The following HS3ST4 variants were observed in gnomAD, a reference collection of about 807,000 sequenced individuals.
HS3ST4 encodes the protein heparan sulfate-glucosamine 3-sulfotransferase 4.
A neutral mutation model predicts 29.2 loss-of-function variants in HS3ST4; 17 were observed. The ratio of observed to expected loss-of-function variants is 0.58; its 90% confidence interval spans 0.40 to 0.87. The LOEUF is 0.87. Among genes scored for constraint, HS3ST4 ranks in the 40% least tolerant of loss-of-function variants. The pLI is 0.00. For missense variants in HS3ST4, 627 were observed against 634.5 expected, an observed-to-expected ratio of 0.99 and a Z score of 0.13; for synonymous variants, 314 against 285.7, an observed-to-expected ratio of 1.10 and a Z score of -1.00.
chr16:25,975,524 C>T (rs1211487694), intron 1 of HS3ST4, among the ~76,000 whole-genome samples: 1 of 152,022 alleles, frequency 6.6e-6, no homozygotes, highest in Non-Finnish European at 1.5e-5. Flanking sequence ...TTTGAAAAAC[C>T]TGCACATTTA....
intron 1 of HS3ST4, among the ~76,000 whole-genome samples, chr16:25,721,824 T>C (rs1385142452): frequency 6.6e-6 from 1 of 152,224 alleles, no homozygotes. Context: ...TGCCTAAATA[T>C]TTGTCTGGCA....
chr16:25,763,885 T>C (rs1014989792), intron 1 of HS3ST4, among the ~76,000 whole-genome samples: 1 of 152,006 alleles, frequency 6.6e-6, no homozygotes, highest in East Asian at 1.9e-4. Flanking sequence ...AGCTGTGGGG[T>C]TGGAGAATGG....
intron 1 of HS3ST4, among the ~76,000 whole-genome samples, chr16:25,817,093 A>G (rs1022798835): frequency 6.6e-6 from 1 of 152,244 alleles, no homozygotes; most frequent in Non-Finnish European, 1.5e-5. Context: ...TCAAAGCTGC[A>G]GTTTGAGTCT....
rs1371928058 is a variant in HS3ST4 at position 25,828,242 on chromosome 16, C to CTTTTTCTATCTTTCTTTCTTTCTTTCTT, written c.734+135092_734+135093insTTTTCTATCTTTCTTTCTTTCTTTCTTT. Reference sequence around the variant, plus strand: ...CTTTCCTTTCTTTCTTTCTTTCTTTCTCTTTCTTTCTTTCTTTCTTTCTTT... The same window carrying CTTTTTCTATCTTTCTTTCTTTCTTTCTT: ...CTTTCCTTTCTTTCTTTCTTTCTTTCTTTTTCTATCTTTCTTTCTTTCTTTCTTTCTTTCTTTCTTTCTTTCTTTCTTT... On this transcript the variant is annotated intron_variant, in intron 1 of 1. Coordinates refer to ENST00000331351, the MANE Select transcript of HS3ST4 (RefSeq NM_006040.3). 8.5e-4 allele frequency among the ~76,000 whole-genome samples: 64 copies of CTTTTTCTATCTTTCTTTCTTTCTTTCTT among 75,032 alleles called. 4 individuals are homozygous for CTTTTTCTATCTTTCTTTCTTTCTTTCTT. The highest frequency in any genetic ancestry group is 2.6e-3 in the East Asian group (7 of 2,684). The allele number at this position is 75,032 out of a possible 152,430, so 49.2% of individuals were successfully genotyped here.
At chr16:26,051,722 T>C (rs1033920502) in intron 1 of HS3ST4, among the ~76,000 whole-genome samples, 8 of 150,786 alleles carry the variant, frequency 5.3e-5, no homozygotes, top group Non-Finnish European at 1.0e-4. Flanking sequence ...CTAATCTCTT[T>C]TATTGCCTCC....
chr16:25,773,919 A>T (rs1344974871), intron 1 of HS3ST4, among the ~76,000 whole-genome samples: 1 of 147,894 alleles, frequency 6.8e-6, no homozygotes, highest in African/African-American at 2.5e-5. Context: ...GCCCCCCTAA[A>T]CCCTTGATGA....
chr16:25,753,824 G>A (rs1966737674), intron 1 of HS3ST4, among the ~76,000 whole-genome samples: 1 of 152,038 alleles, frequency 6.6e-6, no homozygotes, highest in Non-Finnish European at 1.5e-5. Flanking sequence ...TATTTCTTCT[G>A]TTACAAATCA....
chr16:26,058,071 A>G (rs1898431014), intron 1 of HS3ST4, among the ~76,000 whole-genome samples: 1 of 152,204 alleles, frequency 6.6e-6, no homozygotes, highest in South Asian at 2.1e-4. Context: ...AATGGTGCCA[A>G]TTGGGAGGCA....
At chr16:26,118,834 A>C (rs1442612578) in intron 1 of HS3ST4, among the ~76,000 whole-genome samples, 2 of 152,126 alleles carry the variant, frequency 1.3e-5, no homozygotes, top group African/African-American at 4.8e-5. Flanking sequence ...ACGGGATATG[A>C]GGTTGGAGAA....
chr16:25,773,515 C>T (rs1567236930), intron 1 of HS3ST4, among the ~76,000 whole-genome samples: 1 of 152,166 alleles, frequency 6.6e-6, no homozygotes, highest in African/African-American at 2.4e-5. Context: ...TCATCCCTAG[C>T]ATGGTGTGTG....
At chr16:26,035,409 T>A (rs1481725962) in intron 1 of HS3ST4, among the ~76,000 whole-genome samples, 1 of 152,232 alleles carries the variant, frequency 6.6e-6, no homozygotes, top group Admixed American at 6.5e-5. Context: ...AAATACTTCC[T>A]CCTAGATGTT....
At chr16:25,763,509 A>G (rs1244481195) in intron 1 of HS3ST4, among the ~76,000 whole-genome samples, 1 of 152,200 alleles carries the variant, frequency 6.6e-6, no homozygotes, top group Non-Finnish European at 1.5e-5. Flanking sequence ...TTTACCAACG[A>G]TCACCAGGCA....
At chr16:26,000,244 A>G (rs1420789269) in intron 1 of HS3ST4, among the ~76,000 whole-genome samples, 2 of 152,066 alleles carry the variant, frequency 1.3e-5, no homozygotes, top group Non-Finnish European at 2.9e-5. Flanking sequence ...CTTAAATGAC[A>G]TCATCACCTA....
rs557934955 is a variant in HS3ST4 at position 26,135,795 on chromosome 16, C to T, written c.918C>T (p.Pro306=). 2.5e-5 allele frequency: 41 copies of T among 1,614,092 alleles called. 1 individual carries two copies. In the South Asian group the frequency reaches 3.2e-4, roughly 13 times the overall value. ...SDYTQTLSKK[P]EIPTFEVLAF... ...ACACGCAGACACTGTCAAAGAAACC[C>T]GAGATCCCCACCTTTGAGGTGCTGG... Residue 306 remains proline (P), a synonymous_variant, in exon 2 of 2, where the codon CCC becomes CCT. Transcript: ENST00000331351.
At chr16:25,904,860 A>G (rs1303523770) in intron 1 of HS3ST4, among the ~76,000 whole-genome samples, 1 of 152,212 alleles carries the variant, frequency 6.6e-6, no homozygotes, top group Non-Finnish European at 1.5e-5. Context: ...ATAAATGTGA[A>G]GCATTTTGGA....
At chr16:25,698,176 C>T (rs55681284) in intron 1 of HS3ST4, among the ~76,000 whole-genome samples, 38,503 of 152,102 alleles carry the variant, frequency 0.25, 5,140 homozygotes, top group South Asian at 0.4. Flanking sequence ...AGGAATCCGC[C>T]GTTCTCAGCC....
intron 1 of HS3ST4, among the ~76,000 whole-genome samples, chr16:25,980,290 G>T (rs1968991059): frequency 6.6e-6 from 1 of 152,064 alleles, no homozygotes; most frequent in Non-Finnish European, 1.5e-5. Flanking sequence ...CCTCTTCCTG[G>T]GACACACCTG....
chr16:26,084,159 G>A (rs13338468), intron 1 of HS3ST4, among the ~76,000 whole-genome samples: 17,566 of 152,176 alleles, frequency 0.12, 1,427 homozygotes, highest in African/African-American at 0.21. Context: ...CTCTCCTGTA[G>A]TGCCAGTCTC....
chr16:25,868,782 G>A lies in HS3ST4; in HGVS notation c.734+175631G>A, dbSNP rs140074513. On this transcript the variant is annotated intron_variant, in intron 1 of 1. Transcript: ENST00000331351. ...GTAGTCATTGCTGAATCCCTGCTGC[G>A]TTCCTCACAGGGAAAGTGGGGCTGA... is the stretch of plus-strand genomic sequence containing the variant. Among the ~76,000 whole-genome samples the A allele has an allele frequency of 4.1e-4, 62 of 152,282 alleles. No individual in the cohort carries two copies. The East Asian group carries it at 6.0e-3, about 15-fold the overall frequency.
Sources: allele counts gnomAD v4.1 joint callset (sites outside exome capture counted in the v4.1 genomes callset), GRCh38; gene constraint gnomAD v4.1.1; transcripts MANE v1.5; gene names NCBI Gene and HGNC (gene_info 2026-07-23, HGNC 2026-07-21).